Variants in EPS15 observed in about 807,000 individuals in gnomAD.
EPS15 encodes epidermal growth factor receptor substrate 15.
Under a neutral mutation model 113.8 loss-of-function variants are expected in EPS15, and 72 were observed. The observed-to-expected ratio is 0.63, with a 90% confidence interval of 0.52 to 0.77. The LOEUF is 0.77. Among genes scored for constraint, EPS15 ranks in the 30% least tolerant of loss-of-function variants. The probability of loss-of-function intolerance (pLI) is 0.00; values close to 1 mark genes in which losing one functional copy is unlikely to be tolerated. For missense variants in EPS15, 1,048 were observed against 1,045.8 expected (o/e 1.00, Z -0.03); for synonymous variants, 344 against 363.4 (o/e 0.95, Z 0.61).
At chr1:51,513,791 A>G (rs1644667685) in intron 1 of EPS15, among the ~76,000 whole-genome samples, 3 of 152,310 alleles carry the variant, frequency 2.0e-5, no homozygotes, top group African/African-American at 7.2e-5. Flanking sequence ...CCTCTAACTG[A>G]ATTGTCCAAA....
chr1:51,398,473 C>CA (rs1648191586), intron 20 of EPS15, among the ~76,000 whole-genome samples: 1 of 152,134 alleles, frequency 6.6e-6, no homozygotes, highest in African/African-American at 2.4e-5. Context: ...ACCTACTTTG[C>CA]AAAATTGATG....
chr1:51,381,705 C>T (rs72694155), intron 21 of EPS15, among the ~76,000 whole-genome samples: 2,338 of 152,180 alleles, frequency 0.015, 20 homozygotes, highest in Middle Eastern at 0.031. Flanking sequence ...TTAAATATCA[C>T]GCTCAACCAA....
intron 7 of EPS15, among the ~76,000 whole-genome samples, chr1:51,462,979 C>T (rs943616034): frequency 1.3e-5 from 2 of 149,580 alleles, no homozygotes; most frequent in Admixed American, 6.7e-5. Flanking sequence ...TGGGTTCACG[C>T]GATTCTTCTG....
intron 3 of EPS15, among the ~76,000 whole-genome samples, chr1:51,472,181 T>C (rs1375775659): frequency 6.6e-6 from 1 of 152,106 alleles, no homozygotes; most frequent in East Asian, 1.9e-4. Flanking sequence ...GTGACTTAGC[T>C]CAAGAACATT....
intron 1 of EPS15, among the ~76,000 whole-genome samples, chr1:51,508,381 A>AAAG (rs1491415512): frequency 6.6e-6 from 1 of 150,536 alleles, no homozygotes; most frequent in Non-Finnish European, 1.5e-5. Flanking sequence ...AGAAAGAAAG[A>AAAG]AAGAGAAAAT....
chr1:51,443,231 C>A (rs1345026830), intron 11 of EPS15, among the ~76,000 whole-genome samples: 22 of 151,492 alleles, frequency 1.5e-4, no homozygotes, highest in Admixed American at 1.4e-3. Flanking sequence ...TTTTAATTTG[C>A]TTCAGAAATT....
At chr1:51,403,376 C>T (rs371403345) in intron 17 of EPS15, 43 bp downstream of exon 17, 13 of 1,057,892 alleles carry the variant, frequency 1.2e-5, no homozygotes, top group Admixed American at 7.4e-5. Flanking sequence ...CCTGTCCTTC[C>T]ACCCTTACAA....
intron 1 of EPS15, among the ~76,000 whole-genome samples, chr1:51,518,853 TC>T (rs1644782048): frequency 6.6e-6 from 1 of 151,618 alleles, no homozygotes; most frequent in African/African-American, 2.4e-5. Flanking sequence ...GGAGGAAACT[TC>T]CTGGGTAGGT....
chr1:51,514,686 G>C (rs1474526511), intron 1 of EPS15, among the ~76,000 whole-genome samples: 2 of 152,128 alleles, frequency 1.3e-5, no homozygotes, highest in African/African-American at 4.8e-5. Context: ...TCTGCAAATA[G>C]AGTGAAAACA....
At position 51,363,884 on chromosome 1, in the gene EPS15, G is replaced by GTCT; in HGVS notation, c.2338_2340dup (p.Arg780dup). 2 of 1,613,316 alleles carry GTCT rather than the reference G, an allele frequency of 1.2e-6. No individual in the cohort carries two copies. Among genetic ancestry groups the GTCT allele is most frequent in the Non-Finnish European group, 1.7e-6 (2 of 1,179,596 alleles). ...CTCATACCAGGTGGTAGAGGGCAGGGTCTTGTTGGAGTTCCGATCTTTGGT... is the reference window on the plus strand; with the variant it reads ...CTCATACCAGGTGGTAGAGGGCAGGGTCTTCTTGTTGGAGTTCCGATCTTTGGT... On this transcript the variant is annotated inframe_insertion, in exon 23 of 25. Transcript: ENST00000371733.
intron 12 of EPS15, among the ~76,000 whole-genome samples, chr1:51,436,938 G>A (rs756051823): frequency 5.9e-5 from 9 of 152,068 alleles, no homozygotes; most frequent in Non-Finnish European, 1.2e-4. Context: ...TACAGGTCTT[G>A]AGCTCAAGTA....
At chr1:51,519,164 C>G in intron 1 of EPS15, 35 bp downstream of exon 1, 1 of 1,421,652 alleles carries the variant, frequency 7.0e-7, no homozygotes, top group Non-Finnish European at 9.3e-7. Context: ...GGGGCACCGG[C>G]CGGCCAAGCC....
At chr1:51,380,531 T>C (rs77496120) in intron 21 of EPS15, among the ~76,000 whole-genome samples, 6,375 of 151,790 alleles carry the variant, frequency 0.042, 197 homozygotes, top group Middle Eastern at 0.11. Flanking sequence ...GTAATCTCCA[T>C]GAAACACAGA....
intron 18 of EPS15, among the ~76,000 whole-genome samples, chr1:51,401,864 C>G (rs941912795): frequency 6.6e-6 from 1 of 152,120 alleles, no homozygotes; most frequent in Admixed American, 6.5e-5. Flanking sequence ...TTAGGCCAGA[C>G]GCGGTGGCTC....
Position 51,465,259 on chromosome 1 carries a change from A to C in EPS15, c.375+2T>G. On this transcript the variant is annotated splice_donor_variant, in intron 6 of 24. Transcript: ENST00000371733. LOFTEE classifies it high-confidence loss of function. ...GAGAGAATAGTTACAAAGTTTACTT[A>C]CTTTTACAGCCCATGGGAGCTCAGC... 6.3e-7 allele frequency: 1 copy of C among 1,595,726 alleles called. No individual in the cohort carries two copies. The highest frequency in any genetic ancestry group is 8.6e-7 in the Non-Finnish European group (1 of 1,165,820).
intron 1 of EPS15, among the ~76,000 whole-genome samples, chr1:51,517,722 A>G (rs1455301490): frequency 6.8e-6 from 1 of 146,542 alleles, no homozygotes; most frequent in African/African-American, 2.5e-5. Flanking sequence ...ACCACATTCC[A>G]TGTTAAAGGG....
chr1:51,475,956 G>A (rs977992344), intron 2 of EPS15, among the ~76,000 whole-genome samples: 2 of 152,108 alleles, frequency 1.3e-5, no homozygotes, highest in African/African-American at 4.8e-5. Flanking sequence ...CCCATTTCTT[G>A]TTTTTGTCAG....
chr1:51,510,216 C>A (rs1020230703), intron 1 of EPS15, among the ~76,000 whole-genome samples: 1 of 152,130 alleles, frequency 6.6e-6, no homozygotes, highest in Non-Finnish European at 1.5e-5. Flanking sequence ...CACACACACA[C>A]CACTGGATAA....
intron 10 of EPS15, 73 bp from the exon 11 acceptor site, chr1:51,445,118 T>C: frequency 1.5e-6 from 2 of 1,372,706 alleles, no homozygotes; most frequent in African/African-American, 2.9e-5. Context: ...AGTACCACTA[T>C]GCAGCTTTTT....
Sources: allele counts gnomAD v4.1 joint callset (sites outside exome capture counted in the v4.1 genomes callset), GRCh38; gene constraint gnomAD v4.1.1; transcripts MANE v1.5; gene names NCBI Gene and HGNC (gene_info 2026-07-23, HGNC 2026-07-21).